GLDN: variants seen among roughly 807,000 people sequenced by gnomAD.
The protein encoded by GLDN is collomin.
Under a neutral mutation model 56.5 loss-of-function variants are expected in GLDN, and 47 were observed. The observed-to-expected ratio is 0.83, with a 90% CI of 0.66 to 1.06. The LOEUF (loss-of-function observed/expected upper bound fraction) is 1.06. Ranked by LOEUF, GLDN falls within the 50% of genes least tolerant of loss-of-function variation. GLDN has a pLI of 0.00. For synonymous variants in GLDN, 332 were observed against 278.8 expected (o/e 1.19, Z -1.90); for missense variants, 782 against 714.3 (o/e 1.09, Z -1.08).
chr15:51,372,003 G>C (rs551304695), intron 1 of GLDN, among the ~76,000 whole-genome samples: 2 of 152,290 alleles, frequency 1.3e-5, no homozygotes, highest in East Asian at 3.9e-4. Flanking sequence ...ATCTTTTACA[G>C]TGATAGAGAC....
intron 1 of GLDN, among the ~76,000 whole-genome samples, chr15:51,374,826 C>T (rs1376216392): frequency 1.3e-5 from 2 of 150,366 alleles, no homozygotes; most frequent in African/African-American, 4.9e-5. Flanking sequence ...CAGCCTCAGC[C>T]TCCAGGGTTC....
intron 1 of GLDN, among the ~76,000 whole-genome samples, chr15:51,355,745 G>C (rs535792035): frequency 1.3e-5 from 2 of 149,480 alleles, no homozygotes; most frequent in South Asian, 2.1e-4. Flanking sequence ...GGATGGTCTT[G>C]ATCTCCTGAC....
At position 51,392,160 on chromosome 15, in the gene GLDN, T is replaced by G. The variant is rs558008737; in HGVS notation, c.542-2675T>G. On this transcript the variant is annotated intron_variant, in intron 4 of 9. Transcript: ENST00000335449. ...TTACTCCTCTGGGGTAAATGAAAGG[T>G]GCTAAGAGCTCCAGGTTTACGTTTT... Among the ~76,000 whole-genome samples the G allele has an allele frequency of 2.2e-4, 33 of 152,280 alleles. No individual in the cohort carries two copies. The South Asian group carries it at 6.6e-3, about 31-fold the overall frequency.
At chr15:51,413,194 A>G in the GLDN span, among the ~76,000 whole-genome samples, 444 of 152,100 alleles carry the variant, frequency 2.9e-3, no homozygotes, top group Non-Finnish European at 4.7e-3. Flanking sequence ...GTGTTATTTT[A>G]CTTTAGGGTT....
intron 6 of GLDN, among the ~76,000 whole-genome samples, chr15:51,397,945 G>A (rs2038170488): frequency 6.6e-6 from 1 of 152,212 alleles, no homozygotes; most frequent in African/African-American, 2.4e-5. Context: ...GAAGTGAGAA[G>A]CTTGAATGAT....
chr15:51,396,989 G>T (rs1009329234), intron 5 of GLDN, among the ~76,000 whole-genome samples: 1 of 152,166 alleles, frequency 6.6e-6, no homozygotes, highest in African/African-American at 2.4e-5. Context: ...AGAGTACCAT[G>T]TTCCTCCATG....
chr15:51,353,059 G>C (rs1037806574), intron 1 of GLDN, among the ~76,000 whole-genome samples: 1 of 152,142 alleles, frequency 6.6e-6, no homozygotes, highest in Admixed American at 6.5e-5. Flanking sequence ...ACATAAGATT[G>C]GTATTCAAGG....
At chr15:51,365,863 C>T (rs184948893) in intron 1 of GLDN, among the ~76,000 whole-genome samples, 1 of 152,318 alleles carries the variant, frequency 6.6e-6, no homozygotes, top group African/African-American at 2.4e-5. Context: ...CCTGCATTTT[C>T]TCATAAATAC....
rs60404846 is a variant in GLDN at position 51,353,734 on chromosome 15, A to AAAAAC, written c.363+11687_363+11688insAAAAC. Among the ~76,000 whole-genome samples, 23 of 128,868 alleles carry AAAAAC rather than the reference A, an allele frequency of 1.8e-4. 1 individual carries two copies. Among genetic ancestry groups the AAAAAC allele is most frequent in the East Asian group, 2.9e-4 (1 of 3,486 alleles). The allele number at this position is 128,868 out of a possible 152,430, so 84.5% of individuals were successfully genotyped here. A position where few individuals can be genotyped will look rare whatever the true frequency, so the allele number is the denominator to read the frequency against. On this transcript the variant is annotated intron_variant, in intron 1 of 9. Coordinates refer to ENST00000335449, the MANE Select transcript of GLDN (RefSeq NM_181789.4). Reference sequence around the variant, plus strand: ...TTGATTAAAAAAAAAAAAAAAAAAAACCACAGTCAATTAAAAAAAAAAAAA... The same window carrying AAAAAC: ...TTGATTAAAAAAAAAAAAAAAAAAAAAAAACCCACAGTCAATTAAAAAAAAAAAAA...
intron 1 of GLDN, among the ~76,000 whole-genome samples, chr15:51,365,893 C>G (rs1040081437): frequency 1.3e-5 from 2 of 152,168 alleles, no homozygotes; most frequent in Non-Finnish European, 2.9e-5. Context: ...CAGTTGAAAG[C>G]TATCCTGTTA....
chr15:51,383,964 C>G (rs1452506288), intron 4 of GLDN, 72 bp downstream of exon 4: 11 of 1,130,134 alleles, frequency 9.7e-6, no homozygotes, highest in Non-Finnish European at 1.1e-5. Context: ...TCGACTAAAA[C>G]TGTGTGCAGC....
intron 1 of GLDN, among the ~76,000 whole-genome samples, chr15:51,363,796 A>G (rs530422092): frequency 2.8e-4 from 43 of 152,348 alleles, no homozygotes; most frequent in African/African-American, 9.9e-4. Flanking sequence ...CTTGAGCACG[A>G]TACAGGTAGA....
intron 4 of GLDN, among the ~76,000 whole-genome samples, chr15:51,394,258 T>A (rs1418567691): frequency 6.6e-6 from 1 of 152,220 alleles, no homozygotes; most frequent in Non-Finnish European, 1.5e-5. Context: ...GTTGCTGCCA[T>A]CGCCCCCTCT....
At chr15:51,370,529 C>A (rs2037494150) in intron 1 of GLDN, among the ~76,000 whole-genome samples, 1 of 152,172 alleles carries the variant, frequency 6.6e-6, no homozygotes, top group Admixed American at 6.5e-5. Flanking sequence ...AGAGATCTGT[C>A]CAAGTAATTT....
chr15:51,369,693 C>T (rs1251167809), intron 1 of GLDN, among the ~76,000 whole-genome samples: 1 of 152,206 alleles, frequency 6.6e-6, no homozygotes, highest in Non-Finnish European at 1.5e-5. Flanking sequence ...CTTTTACCTA[C>T]ACACAGAAAT....
In GLDN at chr15:51,357,690, G is replaced by A. The variant is rs925812763; in HGVS notation, c.363+15643G>A. Among the ~76,000 whole-genome samples, 7 of 152,172 alleles carry A rather than the reference G, an allele frequency of 4.6e-5. No homozygotes were observed. The South Asian group carries it at 8.3e-4, about 18-fold the overall frequency. ...CATCCCGAACTCCCAGCACTGACCC[G>A]GTTGAGATCATGGCACAGCCAGAAG... On this transcript the variant is annotated intron_variant, in intron 1 of 9. Transcript: ENST00000335449.
In GLDN at chr15:51,397,541, G is replaced by A. The variant is rs1264124302; in HGVS notation, c.760G>A (p.Gly254Arg). The A allele has an allele frequency of 6.2e-7, 1 of 1,602,020 alleles. No individual in the cohort carries two copies. The highest frequency in any genetic ancestry group is 1.3e-5 in the African/African-American group (1 of 74,510). Residue 254 changes from glycine (G) to arginine (R), a missense_variant, in exon 6 of 10, where the codon GGA (glycine) becomes AGA (arginine). Gly to Arg is a moderately radical substitution (Grantham distance 125). Transcript: ENST00000335449. ...PGPPGPPGPPGSRRAKGPRQP... is the reference protein window; with the variant it reads ...PGPPGPPGPPRSRRAKGPRQP... ...CCCTCCAGGTCCTCCAGGGCCCCCT[G>A]GAAGCAGAAGAGCCAAAGGCCCTCG...
intron 1 of GLDN, among the ~76,000 whole-genome samples, chr15:51,351,729 A>T (rs907166881): frequency 4.6e-5 from 7 of 152,118 alleles, no homozygotes; most frequent in African/African-American, 1.7e-4. Flanking sequence ...TTCATTGTTA[A>T]GTTCCCAGCC....
At chr15:51,384,235 G>A in intron 4 of GLDN, 2 of 318,454 alleles carry the variant, frequency 6.3e-6, no homozygotes, top group Admixed American at 9.9e-5. Context: ...CTCTTTCGAG[G>A]CTCAGCTCCT....
Sources: gnomAD v4.1 joint callset for allele counts (sites outside exome capture counted in the v4.1 genomes callset) on GRCh38, gnomAD v4.1.1 for gene constraint, MANE v1.5 for transcripts, NCBI Gene and HGNC (gene_info 2026-07-23, HGNC 2026-07-21) for gene names.